Variants in ROBO2 observed in about 807,000 individuals in gnomAD.
ROBO2 encodes roundabout homolog 2.
Under a neutral mutation model 160.8 loss-of-function variants are expected in ROBO2, and 53 were observed. That is an observed-to-expected ratio of 0.33 (90% CI 0.26 to 0.41). The LOEUF (loss-of-function observed/expected upper bound fraction) is 0.41, where lower values mean the gene tolerates loss of function less well. ROBO2 is among the 10% of genes least tolerant of loss of function. The probability of loss-of-function intolerance (pLI) is 1.00; values close to 1 mark genes in which losing one functional copy is unlikely to be tolerated. For missense variants in ROBO2, 1,577 were observed against 1,722.4 expected, an observed-to-expected ratio of 0.92 and a Z score of 1.49; for synonymous variants, 664 against 611.7, an observed-to-expected ratio of 1.09 and a Z score of -1.26.
intron 23 of ROBO2, chr3:77,632,456 AACT>A (rs758923954): frequency 1.2e-4 from 181 of 1,518,440 alleles, no homozygotes; most frequent in Non-Finnish European, 1.5e-4. Flanking sequence ...CTCACTAGAC[AACT>A]ACATTTGTTT....
chr3:76,495,749 A>G (rs1294672157), intron 2 of ROBO2, among the ~76,000 whole-genome samples: 2 of 152,116 alleles, frequency 1.3e-5, no homozygotes, highest in Non-Finnish European at 2.9e-5. Context: ...TACGTAATGA[A>G]GAACAACTAT....
chr3:76,080,600 G>C (rs893627593), intron 2 of ROBO2, among the ~76,000 whole-genome samples: 1 of 152,074 alleles, frequency 6.6e-6, no homozygotes, highest in Non-Finnish European at 1.5e-5. Context: ...AGAATTTTTT[G>C]ATCATGTATG....
At chr3:77,425,947 G>A (rs1560798818) in intron 2 of ROBO2, among the ~76,000 whole-genome samples, 1 of 152,060 alleles carries the variant, frequency 6.6e-6, no homozygotes, top group African/African-American at 2.4e-5. Flanking sequence ...ACAGGAATGA[G>A]CCACAGCGCC....
In ROBO2 at chr3:75,975,206, T is replaced by C. The variant is rs953236444; in HGVS notation, c.109+37604T>C. Among the ~76,000 whole-genome samples the C allele has an allele frequency of 4.0e-5, 6 of 151,470 alleles. No individual in the cohort carries two copies. In the Admixed American group the frequency reaches 4.0e-4, roughly 10 times the overall value. The stretch of plus-strand genomic sequence containing the variant: ...TGTAATTGGGTACAATACATGAATA[T>C]TGGCAAATTGGGTAAATAAGGTCTG... On this transcript the variant is annotated intron_variant, in intron 2 of 26. Coordinates refer to the ROBO2 transcript ENST00000487694.
At chr3:76,230,356 C>T (rs2107466241) in intron 2 of ROBO2, among the ~76,000 whole-genome samples, 1 of 152,186 alleles carries the variant, frequency 6.6e-6, no homozygotes, top group South Asian at 2.1e-4. Flanking sequence ...GCACGTCCTT[C>T]CCAGGTTACT....
At chr3:76,371,360 G>A (rs534495779) in intron 2 of ROBO2, among the ~76,000 whole-genome samples, 10 of 152,058 alleles carry the variant, frequency 6.6e-5, no homozygotes, top group African/African-American at 2.4e-4. Context: ...AATTGTATAT[G>A]AGTCTTTGCA....
At chr3:76,395,913 T>C (rs2077417817) in intron 2 of ROBO2, among the ~76,000 whole-genome samples, 1 of 152,138 alleles carries the variant, frequency 6.6e-6, no homozygotes, top group Admixed American at 6.5e-5. Flanking sequence ...ACTGGTACTA[T>C]TCCTTCTGAA....
intron 2 of ROBO2, among the ~76,000 whole-genome samples, chr3:76,690,079 A>T (rs1275851868): frequency 6.6e-6 from 1 of 152,120 alleles, no homozygotes; most frequent in East Asian, 1.9e-4. Context: ...CCAAAATAAT[A>T]AGTAGGAGTT....
chr3:76,855,530 T>C (rs1055666093), intron 2 of ROBO2, among the ~76,000 whole-genome samples: 3 of 152,232 alleles, frequency 2.0e-5, no homozygotes, highest in African/African-American at 7.2e-5. Context: ...TAAGATTGCA[T>C]AATTCCAAGA....
chr3:77,574,700 G>C, exon 14 of ROBO2: 1 of 1,613,118 alleles, frequency 6.2e-7, no homozygotes, highest in Middle Eastern at 1.7e-4. Context: ...AATGGATAGT[G>C]AATCTAAAAC....
intron 2 of ROBO2, among the ~76,000 whole-genome samples, chr3:76,675,478 A>C (rs1055538328): frequency 6.6e-6 from 1 of 152,228 alleles, no homozygotes; most frequent in Admixed American, 6.5e-5. Context: ...CATTTTATAT[A>C]TAACCTATAT....
At chr3:75,919,506 T>C (rs577968035) in intron 1 of ROBO2, among the ~76,000 whole-genome samples, 57 of 152,314 alleles carry the variant, frequency 3.7e-4, no homozygotes, top group African/African-American at 1.3e-3. Flanking sequence ...TCTTTTTTTA[T>C]TGGGTCTTTG....
intron 18 of ROBO2, 70 bp from the exon 20 acceptor site, chr3:77,596,553 T>C (rs764525988): frequency 2.5e-6 from 4 of 1,581,702 alleles, no homozygotes; most frequent in Non-Finnish European, 3.5e-6. Context: ...ACGCTTTATA[T>C]TGCATGAGAC....
intron 2 of ROBO2, among the ~76,000 whole-genome samples, chr3:76,454,266 T>G (rs2077632007): frequency 6.6e-6 from 1 of 152,124 alleles, no homozygotes; most frequent in Non-Finnish European, 1.5e-5. Flanking sequence ...TGGAAAGAAA[T>G]ATGAATAATT....
upstream of ROBO2, among the ~76,000 whole-genome samples, chr3:77,037,809 G>C (rs150885315): frequency 2.0e-3 from 306 of 152,278 alleles, no homozygotes; most frequent in African/African-American, 7.0e-3. Context: ...ATCCTCCAAT[G>C]TCTTCCTTTC....
intron 2 of ROBO2, among the ~76,000 whole-genome samples, chr3:76,462,036 TAAACTCCTGAG>T: frequency 6.6e-6 from 1 of 152,268 alleles, no homozygotes; most frequent in African/African-American, 2.4e-5. Flanking sequence ...CAATCACATC[TAAACTCCTGAG>T]TACACACATC....
At chr3:76,214,858 T>G (rs1157902126) in intron 2 of ROBO2, among the ~76,000 whole-genome samples, 1 of 152,216 alleles carries the variant, frequency 6.6e-6, no homozygotes, top group Non-Finnish European at 1.5e-5. Context: ...ACGGGCAGAC[T>G]GCCTCCTCAA....
chr3:77,500,390 G>T (rs546196877), intron 5 of ROBO2, among the ~76,000 whole-genome samples: 1 of 152,066 alleles, frequency 6.6e-6, no homozygotes, highest in Admixed American at 6.6e-5. Context: ...TGTCTAGCAT[G>T]AAATCTCTAT....
intron 2 of ROBO2, among the ~76,000 whole-genome samples, chr3:77,236,249 A>T (rs1297829358): frequency 6.6e-6 from 1 of 152,246 alleles, no homozygotes; most frequent in Admixed American, 6.5e-5. Flanking sequence ...ACCTGGAATC[A>T]GTTGAAAGAA....
Sources: allele counts gnomAD v4.1 joint callset (sites outside exome capture counted in the v4.1 genomes callset), GRCh38; gene constraint gnomAD v4.1.1; transcripts MANE v1.5; gene names NCBI Gene and HGNC (gene_info 2026-07-23, HGNC 2026-07-21).